SORCS2: variants seen among roughly 807,000 people sequenced by gnomAD.
The protein encoded by SORCS2 is sortilin related VPS10 domain containing receptor 2, also known as VPS10 domain-containing receptor SorCS2.
A neutral mutation model predicts 141.6 loss-of-function variants in SORCS2; 100 were observed. The observed-to-expected ratio is 0.71, with a 90% CI of 0.60 to 0.83. SORCS2 has a LOEUF of 0.83. Ranked by LOEUF, SORCS2 falls within the 40% of genes least tolerant of loss-of-function variation. The probability of loss-of-function intolerance (pLI) is 0.00; values close to 1 mark genes in which losing one functional copy is unlikely to be tolerated. For missense variants in SORCS2, 1,646 were observed against 1,560.2 expected (o/e 1.05, Z -0.93); for synonymous variants, 789 against 676.9 (o/e 1.17, Z -2.57).
intron 1 of SORCS2, among the ~76,000 whole-genome samples, chr4:7,258,538 G>T (rs547031301): frequency 2.0e-5 from 3 of 152,136 alleles, no homozygotes; most frequent in Non-Finnish European, 4.4e-5. Flanking sequence ...TCTTTATCCA[G>T]TCTATCACTG....
At chr4:7,617,687 G>A (rs1430993523) in intron 3 of SORCS2, among the ~76,000 whole-genome samples, 3 of 152,190 alleles carry the variant, frequency 2.0e-5, no homozygotes, top group Non-Finnish European at 4.4e-5. Flanking sequence ...TGGCCATGTG[G>A]AAGAAGGGTC....
intron 1 of SORCS2, among the ~76,000 whole-genome samples, chr4:7,280,650 C>T (rs1257215826): frequency 6.6e-6 from 1 of 152,214 alleles, no homozygotes; most frequent in East Asian, 1.9e-4. Flanking sequence ...AGTGGCTGTA[C>T]TGATTTCAAT....
At chr4:7,715,497 G>C (rs1726134540) in intron 17 of SORCS2, among the ~76,000 whole-genome samples, 186 bp downstream of exon 17, 1 of 152,204 alleles carries the variant, frequency 6.6e-6, no homozygotes, top group Admixed American at 6.5e-5. Flanking sequence ...GCTCATATGA[G>C]TCACCAGACA....
intron 1 of SORCS2, among the ~76,000 whole-genome samples, chr4:7,356,564 G>A (rs955463339): frequency 3.9e-5 from 6 of 152,138 alleles, no homozygotes; most frequent in Non-Finnish European, 8.8e-5. Flanking sequence ...CCACTGTGAG[G>A]CCCCCACCCT....
At chr4:7,688,746 C>T (rs750112864) in intron 10 of SORCS2, among the ~76,000 whole-genome samples, 5 of 152,188 alleles carry the variant, frequency 3.3e-5, no homozygotes, top group Non-Finnish European at 7.3e-5. Context: ...GAGTCATTAC[C>T]CCACAAAGCC....
At chr4:7,302,970 C>T (rs1019218024) in intron 1 of SORCS2, among the ~76,000 whole-genome samples, 4 of 152,316 alleles carry the variant, frequency 2.6e-5, no homozygotes, top group Admixed American at 6.5e-5. Context: ...GGGCCGCAGC[C>T]AAGCGGCGAT....
At chr4:7,224,381 G>T (rs1482243885) in intron 1 of SORCS2, among the ~76,000 whole-genome samples, 1 of 152,224 alleles carries the variant, frequency 6.6e-6, no homozygotes, top group African/African-American at 2.4e-5. Flanking sequence ...TGTTAAGGGT[G>T]AGAGGAGGCG....
chr4:7,641,122 C>T (rs528216918), intron 4 of SORCS2, among the ~76,000 whole-genome samples: 1 of 152,362 alleles, frequency 6.6e-6, no homozygotes, highest in Non-Finnish European at 1.5e-5. Context: ...ATTTCACACT[C>T]TTCCATATTC....
chr4:7,455,411 C>T (rs1435578079), intron 2 of SORCS2, among the ~76,000 whole-genome samples: 1 of 112,326 alleles, frequency 8.9e-6, no homozygotes, highest in South Asian at 3.4e-4. Flanking sequence ...TGGGGTCAGG[C>T]ACTGTGTTGG....
chr4:7,284,112 C>A (rs932762499), intron 1 of SORCS2, among the ~76,000 whole-genome samples: 9 of 152,168 alleles, frequency 5.9e-5, no homozygotes, highest in African/African-American at 2.2e-4. Flanking sequence ...CCCAGGGAAC[C>A]TGTGAACACC....
At chr4:7,521,483 C>T (rs1733325093) in intron 2 of SORCS2, among the ~76,000 whole-genome samples, 2 of 152,192 alleles carry the variant, frequency 1.3e-5, no homozygotes, top group South Asian at 4.1e-4. Flanking sequence ...TGCCCTGTGT[C>T]ACCTTAGTTC....
rs6832590 is a variant in SORCS2 at position 7,271,215 on chromosome 4, C to T, written c.480+78089C>T. Among the ~76,000 whole-genome samples, 876 of 152,282 alleles carry T rather than the reference C, an allele frequency of 5.8e-3. 9 individuals carry two copies. Among genetic ancestry groups the T allele is most frequent in the African/African-American group, 0.02 (840 of 41,534 alleles). ...GACCCTGTCAAAACATCACCCTCTG[C>T]CCTGGGGATGTCGCTCCTCCACTCT... On this transcript the variant is annotated intron_variant, in intron 1 of 26. Coordinates refer to ENST00000507866, the MANE Select transcript of SORCS2 (RefSeq NM_020777.3).
At chr4:7,476,125 G>A (rs1730276522) in intron 2 of SORCS2, among the ~76,000 whole-genome samples, 2 of 152,232 alleles carry the variant, frequency 1.3e-5, no homozygotes, top group African/African-American at 4.8e-5. Flanking sequence ...GTGCCAGCCC[G>A]TGTGCTCCAG....
chr4:7,338,145 CATGGATGGATGTTGGTTGG>C (rs1402505742), intron 1 of SORCS2, among the ~76,000 whole-genome samples: 1 of 127,902 alleles, frequency 7.8e-6, no homozygotes, highest in Admixed American at 7.5e-5. Context: ...ATGTTGGTTG[CATGGATGGATGTTGGTTGG>C]ATGGATGGAT....
chr4:7,229,649 G>C (rs536695615), intron 1 of SORCS2, among the ~76,000 whole-genome samples: 2 of 152,386 alleles, frequency 1.3e-5, no homozygotes, highest in Non-Finnish European at 2.9e-5. Context: ...GGCTGAAAAA[G>C]GGCCTAAGAG....
intron 1 of SORCS2, among the ~76,000 whole-genome samples, chr4:7,391,112 C>T (rs1222318721): frequency 6.6e-6 from 1 of 152,216 alleles, no homozygotes; most frequent in Non-Finnish European, 1.5e-5. Flanking sequence ...GCTCAGTGAG[C>T]CTGGCCACCC....
intron 2 of SORCS2, among the ~76,000 whole-genome samples, chr4:7,477,346 C>T (rs1440506617): frequency 1.4e-5 from 2 of 144,054 alleles, no homozygotes; most frequent in Non-Finnish European, 3.0e-5. Context: ...CCAGGACTGA[C>T]CACAGCTGAC....
At chr4:7,527,123 C>T (rs546833329) in intron 2 of SORCS2, among the ~76,000 whole-genome samples, 13 of 152,298 alleles carry the variant, frequency 8.5e-5, no homozygotes, top group East Asian at 3.9e-4. Context: ...CACCCACCTC[C>T]GGCCGCCCTG....
rs190369657 is a variant in SORCS2, at chr4:7,701,556, T to C, written c.1669-1724T>C. Among the ~76,000 whole-genome samples the C allele has an allele frequency of 1.4e-4, 22 of 152,162 alleles. 1 individual carries two copies. In the East Asian group the frequency reaches 4.1e-3, roughly 28 times the overall value. Reference sequence around the variant, plus strand: ...CTCCTTCGGGGCCCTGAGGCCGTGGTAGGATTTGGGCTTGACTGTAAGTGT... The same window carrying C: ...CTCCTTCGGGGCCCTGAGGCCGTGGCAGGATTTGGGCTTGACTGTAAGTGT... On this transcript the variant is annotated intron_variant, in intron 12 of 26. Coordinates refer to ENST00000507866, the MANE Select transcript of SORCS2 (RefSeq NM_020777.3).
Sources: allele counts gnomAD v4.1 joint callset (sites outside exome capture counted in the v4.1 genomes callset), GRCh38; gene constraint gnomAD v4.1.1; transcripts MANE v1.5; gene names NCBI Gene and HGNC (gene_info 2026-07-23, HGNC 2026-07-21).